XIST: variants seen among roughly 807,000 people sequenced by gnomAD.
XIST encodes the protein X inactive specific transcript (non-protein coding).
exon 1 of XIST, chrX:73,850,021 A>G: frequency 3.6e-6 from 2 of 559,120 alleles, no homozygotes; most frequent in East Asian, 3.2e-5. Context: ...AGAGGACACC[A>G]GACCACAGCA....
At position 73,848,214 on chromosome X, in the gene XIST, C is replaced by G. The variant is rs767110706; in HGVS notation, n.4510G>C. 3.1e-4 allele frequency: 173 copies of G among 554,951 alleles called. No homozygotes were observed. The Admixed American group carries it at 3.8e-3, about 12-fold the overall frequency. 45.7% of individuals were successfully genotyped at this position (554,951 alleles called of 1,213,427 possible). On this transcript the variant is annotated non_coding_transcript_exon_variant, in exon 1 of 6. Coordinates refer to ENST00000429829, the Ensembl canonical transcript of XIST. ...TTATGCGCATTAACAGTCCCAAGTACCCCCTGCTGTAAGACAAAAGGAATA... is the reference window on the plus strand; with the variant it reads ...TTATGCGCATTAACAGTCCCAAGTAGCCCCTGCTGTAAGACAAAAGGAATA...
exon 1 of XIST, chrX:73,849,861 G>T: frequency 2.0e-6 from 1 of 502,403 alleles, no homozygotes. Flanking sequence ...GGGGGTTAGG[G>T]GACTGGGGCT....
In XIST at chrX:73,844,565, G is replaced by A. The variant is rs998374714; in HGVS notation, n.8159C>T. 5.4e-6 allele frequency: 3 copies of A among 557,627 alleles called. No homozygotes were observed. In the Admixed American group the frequency reaches 6.7e-5, roughly 12 times the overall value. 46.0% of individuals were successfully genotyped at this position (557,627 alleles called of 1,213,427 possible). A position where few individuals can be genotyped will look rare whatever the true frequency, so the allele number is the denominator to read the frequency against. On this transcript the variant is annotated non_coding_transcript_exon_variant, in exon 1 of 6. Coordinates refer to ENST00000429829, the Ensembl canonical transcript of XIST. ...TGCATGGTTGTGGTCACTTACAATT[G>A]TGCACCTTGATTGTCCAAATGTAAG...
At position 73,833,187 on chromosome X, in the gene XIST, G is replaced by T. The variant is rs746884385; in HGVS notation, n.11543+51C>A. The T allele has an allele frequency of 1.3e-4, 69 of 539,171 alleles. No individual in the cohort carries two copies. The African/African-American group carries it at 1.3e-3, about 10-fold the overall frequency. The allele number at this position is 539,171 out of a possible 1,213,427, so 44.4% of individuals were successfully genotyped here. ...TCTGCTTTAAAAAGGAGAGTTGTGG[G>T]AAGTTCAATCCAAAGACAGAAGCAC... On this transcript the variant is annotated intron_variant and non_coding_transcript_variant, in intron 3 of 5. Transcript: ENST00000429829.
exon 1 of XIST, chrX:73,843,535 C>G (rs1407187559): frequency 1.8e-6 from 1 of 556,979 alleles, no homozygotes; most frequent in East Asian, 3.3e-5. Flanking sequence ...AATTAACATG[C>G]CCCTGATGCA....
exon 6 of XIST, chrX:73,824,793 G>A: frequency 1.8e-6 from 1 of 558,485 alleles, no homozygotes; most frequent in South Asian, 2.2e-5. Context: ...CTGGAAAAAT[G>A]TATCAGTAAT....
chrX:73,831,578 C>A lies in XIST; in HGVS notation n.11544-304G>T, dbSNP rs144997328. On this transcript the variant is annotated intron_variant and non_coding_transcript_variant, in intron 3 of 5. Transcript: ENST00000429829. Reference sequence around the variant, plus strand: ...TTATTCTCCAGTCTTTATTACTGAGCGATCCTCTACAATGTGGGTTGTTAA... The same window carrying A: ...TTATTCTCCAGTCTTTATTACTGAGAGATCCTCTACAATGTGGGTTGTTAA... 1.1e-3 allele frequency among the ~76,000 whole-genome samples: 125 copies of A among 111,649 alleles called. 2 individuals carry two copies. In the East Asian group the frequency reaches 0.032, roughly 29 times the overall value.
chrX:73,850,766 G>A (rs1254713807), exon 1 of XIST: 3 of 303,979 alleles, frequency 9.9e-6, no homozygotes, highest in Admixed American at 7.0e-5. Context: ...GTTGGGGGGT[G>A]GGGGGGGAGG....
chrX:73,831,405 C>A, intron 3 of XIST: 1 of 392,753 alleles, frequency 2.5e-6, no homozygotes. Context: ...TGGACATTTA[C>A]AGTTGTGCGG....
At chrX:73,825,114 C>A (rs1253714481) in exon 6 of XIST, 11 of 515,190 alleles carry the variant, frequency 2.1e-5, no homozygotes, top group Non-Finnish European at 3.5e-5. Context: ...GCTCTAGCAC[C>A]CAGCATGGTA....
exon 1 of XIST, chrX:73,843,333 T>A (rs1253082456): frequency 3.6e-6 from 2 of 555,956 alleles, no homozygotes; most frequent in African/African-American, 4.5e-5. Context: ...GAAGCAGGAG[T>A]CTTATCTAAT....
exon 1 of XIST, chrX:73,846,074 C>A (rs1922755266): frequency 3.6e-6 from 2 of 558,296 alleles, no homozygotes; most frequent in Admixed American, 2.2e-5. Context: ...ATGGAGAGGG[C>A]ACTCCCTGCC....
chrX:73,826,743 T>G (rs190245821), exon 6 of XIST: 107 of 556,914 alleles, frequency 1.9e-4, no homozygotes, highest in Non-Finnish European at 1.8e-4. Context: ...GATACCTTTT[T>G]CGCTTGGGTC....
chrX:73,849,330 G>A (rs1922854393), exon 1 of XIST: 1 of 558,903 alleles, frequency 1.8e-6, no homozygotes, highest in East Asian at 3.2e-5. Flanking sequence ...GGTTGTCTGC[G>A]ACCCCCTGCT....
exon 1 of XIST, chrX:73,851,354 C>T (rs1187268507): frequency 1.8e-6 from 1 of 559,446 alleles, no homozygotes; most frequent in African/African-American, 2.2e-5. Context: ...CCATGTTTTA[C>T]ACTGCGGCAA....
exon 6 of XIST, chrX:73,822,758 C>T: frequency 1.8e-6 from 1 of 550,489 alleles, no homozygotes; most frequent in Admixed American, 2.3e-5. Context: ...CATTTAGTAT[C>T]ATCTTCATCA....
exon 1 of XIST, chrX:73,847,892 T>G (rs1922815292): frequency 1.8e-6 from 1 of 557,234 alleles, no homozygotes; most frequent in African/African-American, 2.2e-5. Context: ...CATAGGTAAT[T>G]AATATCCCTT....
At chrX:73,851,521 C>A in exon 1 of XIST, 1 of 559,186 alleles carries the variant, frequency 1.8e-6, no homozygotes, top group Non-Finnish European at 3.2e-6. Flanking sequence ...AAAGCACAGC[C>A]CGCCATGCTG....
At chrX:73,846,944 A>G (rs1922787708) in exon 1 of XIST, 4 of 557,930 alleles carry the variant, frequency 7.2e-6, no homozygotes, top group Non-Finnish European at 1.3e-5. Flanking sequence ...ATTACATGCC[A>G]TCTACAGTTC....
Sources: allele counts gnomAD v4.1 joint callset (sites outside exome capture counted in the v4.1 genomes callset), GRCh38; gene constraint gnomAD v4.1.1; transcripts MANE v1.5; gene names NCBI Gene and HGNC (gene_info 2026-07-23, HGNC 2026-07-21).